Variants in RDH13 observed in about 807,000 individuals in gnomAD.
RDH13 encodes the protein retinol dehydrogenase 13.
In RDH13, 35 loss-of-function variants were observed where a neutral mutation model predicts 28.3. The ratio of observed to expected loss-of-function variants is 1.24; its 90% confidence interval spans 0.95 to 1.64. The LOEUF (loss-of-function observed/expected upper bound fraction) is 1.64, where lower values mean the gene tolerates loss of function less well. Among genes scored for constraint, RDH13 ranks in the 40% most tolerant of loss-of-function variants. The pLI is 0.00. For missense variants in RDH13, 514 were observed against 446.3 expected (o/e 1.15, Z -1.37); for synonymous variants, 229 against 198.5 (o/e 1.15, Z -1.29).
rs1295515430 is a variant in RDH13 at position 55,069,247 on chromosome 19, C to T, written c.-266+75G>A. The T allele has an allele frequency of 2.0e-5, 3 of 151,788 alleles. No homozygotes were observed. The East Asian group carries it at 5.9e-4, about 30-fold the overall frequency. 9.4% of individuals were successfully genotyped at this position (151,788 alleles called of 1,614,324 possible). On this transcript the variant is annotated intron_variant, in intron 1 of 7. Coordinates refer to the RDH13 transcript ENST00000396247. ...AGGCTGGTTCCCAGACCCACCCTCCCTGTGTCATAAGCGCCTCTCCCCGCA... is the reference window on the plus strand; with the variant it reads ...AGGCTGGTTCCCAGACCCACCCTCCTTGTGTCATAAGCGCCTCTCCCCGCA...
chr19:55,057,488 G>A (rs143856629), intron 2 of RDH13, among the ~76,000 whole-genome samples: 1,638 of 149,716 alleles, frequency 0.011, 37 homozygotes, highest in African/African-American at 0.037. Flanking sequence ...GCTGGAGTGC[G>A]GTGGCGCAAT....
chr19:55,063,886 C>T (rs2075888771), upstream of RDH13: 1 of 152,936 alleles, frequency 6.5e-6, no homozygotes, highest in Non-Finnish European at 1.5e-5. Context: ...GTCACCCCCA[C>T]CAAACCGGGA....
chr19:55,063,151 G>C (rs2075865839), upstream of RDH13: 1 of 963,786 alleles, frequency 1.0e-6, no homozygotes. Flanking sequence ...GGAGGCGCAG[G>C]CGCGGCTGGG....
chr19:55,057,976 A>G (rs1279200445), intron 2 of RDH13, among the ~76,000 whole-genome samples: 6 of 151,500 alleles, frequency 4.0e-5, no homozygotes, highest in South Asian at 2.1e-4. Flanking sequence ...GGGTGTTGCT[A>G]TGGTGTCCAG....
chr19:55,055,448 C>G (rs546096768), intron 3 of RDH13, among the ~76,000 whole-genome samples: 1 of 152,092 alleles, frequency 6.6e-6, no homozygotes, highest in East Asian at 1.9e-4. Flanking sequence ...GCCACTGTGC[C>G]CAGCCAGTTC....
rs1394786515 is a variant in RDH13 at position 55,062,994 on chromosome 19, C to A, written c.39G>T (p.Thr13=). ...RYLLPLSALG[T]VAGAAVLLKD... Reference sequence around the variant, plus strand: ...TGAGCAGCACGGCGGCGCCTGCTACCGTGCCCAGCGCCGACAGCGGCAGCA... The same window carrying A: ...TGAGCAGCACGGCGGCGCCTGCTACAGTGCCCAGCGCCGACAGCGGCAGCA... The change falls in exon 1 of 7, where the codon ACG becomes ACT. Residue 13 remains threonine (T), a synonymous_variant. Coordinates refer to ENST00000415061, the MANE Select transcript of RDH13 (RefSeq NM_001145971.2). 15 of 1,474,778 alleles carry A rather than the reference C, an allele frequency of 1.0e-5. No homozygotes were observed. The highest frequency in any genetic ancestry group is 2.9e-5 in the East Asian group (1 of 34,662). The allele number at this position is 1,474,778 out of a possible 1,614,324, so 91.4% of individuals were successfully genotyped here.
chr19:55,047,552 C>A, intron 5 of RDH13, 64 bp from the exon 6 acceptor site: 3 of 1,535,472 alleles, frequency 2.0e-6, no homozygotes, highest in East Asian at 2.4e-5. Context: ...GCTGTGGCAG[C>A]CCACACCCAG....
At position 55,045,320 on chromosome 19, in the gene RDH13, C is replaced by T; in HGVS notation, c.761-11G>A. 7.5e-6 allele frequency: 12 copies of T among 1,601,814 alleles called. No homozygotes were observed. The highest frequency in any genetic ancestry group is 1.0e-5 in the Non-Finnish European group (12 of 1,172,520). The stretch of plus-strand genomic sequence containing the variant: ...GCCAGAAGATGGGCCCTGCAATCAG[C>T]CCACAGGGCATTTAGTCCACACTCG... On this transcript the variant is annotated splice_polypyrimidine_tract_variant and intron_variant, in intron 6 of 6. Transcript: ENST00000415061.
In RDH13 at chr19:55,056,790, G is replaced by C. The variant is rs545701309; in HGVS notation, c.203C>G (p.Ala68Gly). The C allele has an allele frequency of 6.2e-7, 1 of 1,613,982 alleles. No individual in the cohort carries two copies. The highest frequency in any genetic ancestry group is 1.3e-5 in the African/African-American group (1 of 75,004). Residue 68 changes from alanine (A) to glycine (G), a missense_variant, in exon 3 of 7, where the codon GCC becomes GGC. Coordinates refer to ENST00000415061, the MANE Select transcript of RDH13 (RefSeq NM_001145971.2). Reference sequence around the variant, plus strand: ...CTCACACTTCTCCATGTCTCGGCAGGCCAGGATGATGTTGCCTCCTGAAAA... The same window carrying C: ...CTCACACTTCTCCATGTCTCGGCAGCCCAGGATGATGTTGCCTCCTGAAAA... ...LARRGGNIIL[A>G]CRDMEKCEAA...
chr19:55,066,496 T>G (rs1011242920), upstream of RDH13, among the ~76,000 whole-genome samples: 46 of 60,478 alleles, frequency 7.6e-4, no homozygotes, highest in Non-Finnish European at 1.5e-3. Flanking sequence ...CTTTTCTCTC[T>G]CTCTCTCCCT....
rs996032001 is a variant in RDH13, at chr19:55,049,484, G to A, written c.341-721C>T. Among the ~76,000 whole-genome samples the A allele has an allele frequency of 1.8e-4, 27 of 152,248 alleles. No individual in the cohort carries two copies. In the South Asian group the frequency reaches 5.2e-3, roughly 29 times the overall value. On this transcript the variant is annotated intron_variant, in intron 3 of 6. Coordinates refer to ENST00000415061, the MANE Select transcript of RDH13 (RefSeq NM_001145971.2). ...GTTCCGTAACAAAGTGCCACAGACA[G>A]GTGGTTTAAAACCTCACAGACCTGG...
chr19:55,062,948 C>T lies in RDH13; in HGVS notation c.65+20G>A. The stretch of plus-strand genomic sequence containing the variant: ...TGGGGGCCCGCCTTGACCGCGCACG[C>T]GGGGCTAGAATGTACTCACTTGAGC... On this transcript the variant is annotated intron_variant, in intron 1 of 6. Transcript: ENST00000415061. The T allele has an allele frequency of 6.9e-7, 1 of 1,448,326 alleles. No individual in the cohort carries two copies. Among genetic ancestry groups the T allele is most frequent in the Non-Finnish European group, 9.1e-7 (1 of 1,102,612 alleles). 89.7% of individuals were successfully genotyped at this position (1,448,326 alleles called of 1,614,324 possible). A position where few individuals can be genotyped will look rare whatever the true frequency, so the allele number is the denominator to read the frequency against.
In RDH13 at chr19:55,045,243, A is replaced by G. The variant is rs1240196024; in HGVS notation, c.827T>C (p.Val276Ala). ...LAAQPSTYLA[V>A]AEELADVSGK... The stretch of plus-strand genomic sequence containing the variant: ...GGAAACATCCGCCAGTTCCTCCGCC[A>G]CGGCCAGGTATGTGCTGGGCTGGGC... Residue 276 changes from valine to alanine, a missense_variant, in exon 7 of 7, where the codon GTG becomes GCG. Transcript: ENST00000415061. 1 of 1,613,306 alleles carries G rather than the reference A, an allele frequency of 6.2e-7. No individual in the cohort carries two copies. The highest frequency in any genetic ancestry group is 8.5e-7 in the Non-Finnish European group (1 of 1,180,026).
chr19:55,054,265 A>C (rs2075559612), intron 3 of RDH13, among the ~76,000 whole-genome samples: 1 of 152,172 alleles, frequency 6.6e-6, no homozygotes, highest in East Asian at 1.9e-4. Context: ...TTGACTCTGA[A>C]GAAGAAAGCT....
At chr19:55,051,427 T>C (rs992400847) in intron 3 of RDH13, among the ~76,000 whole-genome samples, 1 of 151,986 alleles carries the variant, frequency 6.6e-6, no homozygotes, top group African/African-American at 2.4e-5. Context: ...TTTGGTTTTT[T>C]TTCTTTTTTT....
chr19:55,057,599 T>C (rs2075679636), intron 2 of RDH13, among the ~76,000 whole-genome samples: 1 of 151,592 alleles, frequency 6.6e-6, no homozygotes, highest in South Asian at 2.1e-4. Context: ...CTAGCTAATT[T>C]TTTATTTTTT....
chr19:55,066,453 C>T (rs12977004), upstream of RDH13, among the ~76,000 whole-genome samples: 2 of 49,866 alleles, frequency 4.0e-5, no homozygotes, highest in Non-Finnish European at 4.5e-5. Flanking sequence ...CCCTCTCTCT[C>T]CCTCTCTCTT....
rs202004507 is a variant in RDH13 at position 55,056,698 on chromosome 19, C to G, written c.295G>C (p.Ala99Pro). ...AACTCTCGGATAGACTTGAGGGAAG[C>G]CAAGTCCAGGTGCCGGGCGTTGACA... ...HHVNARHLDL[A>P]SLKSIREFAA... Residue 99 changes from alanine (A) to proline (P), a missense_variant, in exon 3 of 7, where the codon GCT becomes CCT. Ala to Pro is a conservative substitution (Grantham distance 27). Transcript: ENST00000415061. 1.5e-4 allele frequency: 239 copies of G among 1,614,070 alleles called. No homozygotes were observed. In the African/African-American group the frequency reaches 3.0e-3, roughly 20 times the overall value.
chr19:55,048,098 T>C, intron 5 of RDH13: 1 of 1,512,130 alleles, frequency 6.6e-7, no homozygotes, highest in Non-Finnish European at 8.8e-7. Context: ...GGGAAGGACA[T>C]CTGATCCAGG....
Sources: gnomAD v4.1 joint callset for allele counts (sites outside exome capture counted in the v4.1 genomes callset) on GRCh38, gnomAD v4.1.1 for gene constraint, MANE v1.5 for transcripts, NCBI Gene and HGNC (gene_info 2026-07-23, HGNC 2026-07-21) for gene names.